ZFAT: variants seen among roughly 807,000 people sequenced by gnomAD.
ZFAT encodes zinc finger protein ZFAT.
A neutral mutation model predicts 117.7 loss-of-function variants in ZFAT; 64 were observed. That is an observed-to-expected ratio of 0.54 (90% CI 0.44 to 0.67). The LOEUF (loss-of-function observed/expected upper bound fraction) is 0.67, where lower values mean the gene tolerates loss of function less well. Among genes scored for constraint, ZFAT ranks in the 30% least tolerant of loss-of-function variants. ZFAT has a pLI of 0.00. For synonymous variants in ZFAT, 679 were observed against 615.0 expected, an observed-to-expected ratio of 1.10 and a Z score of -1.54; for missense variants, 1,433 against 1,584.5, an observed-to-expected ratio of 0.90 and a Z score of 1.62.
the ZFAT span, among the ~76,000 whole-genome samples, chr8:134,789,754 A>G: frequency 6.6e-6 from 1 of 152,194 alleles, no homozygotes; most frequent in Non-Finnish European, 1.5e-5. Context: ...AGTTTAAGCC[A>G]ATGTTACATT....
At chr8:134,819,908 T>C in the ZFAT span, among the ~76,000 whole-genome samples, 46,067 of 151,908 alleles carry the variant, frequency 0.3, 7,614 homozygotes, top group African/African-American at 0.43. Flanking sequence ...CCAGCCAAGG[T>C]TTTGTTTCTT....
In ZFAT at chr8:134,642,389, C is replaced by T. The variant is rs1259237340; in HGVS notation, c.197-4677G>A. Among the ~76,000 whole-genome samples the T allele has an allele frequency of 2.6e-5, 4 of 152,318 alleles. No individual in the cohort carries two copies. In the East Asian group the frequency reaches 5.8e-4, roughly 22 times the overall value. ...ATGCGAAAAATAAACACAAAACTGC[C>T]TCTATTTTATAGAGTCACTACTGAT... On this transcript the variant is annotated intron_variant, in intron 2 of 15. Transcript: ENST00000377838.
At chr8:134,709,816 G>GCTTCT (rs1367709970) in intron 1 of ZFAT, among the ~76,000 whole-genome samples, 1 of 152,166 alleles carries the variant, frequency 6.6e-6, no homozygotes. Context: ...TTCACCGGAG[G>GCTTCT]CAAATGAGAA....
intron 11 of ZFAT, among the ~76,000 whole-genome samples, chr8:134,542,777 G>T (rs991433987): frequency 2.0e-5 from 3 of 152,092 alleles, no homozygotes; most frequent in African/African-American, 7.2e-5. Flanking sequence ...AGGGGGGCAG[G>T]GGAAGGAGAG....
At chr8:134,689,581 G>C (rs534244234) in intron 1 of ZFAT, among the ~76,000 whole-genome samples, 1 of 152,218 alleles carries the variant, frequency 6.6e-6, no homozygotes, top group African/African-American at 2.4e-5. Context: ...CTACGATAGA[G>C]AGCAGAGGGA....
chr8:134,551,780 G>C (rs1415889909), intron 11 of ZFAT, among the ~76,000 whole-genome samples: 1 of 152,130 alleles, frequency 6.6e-6, no homozygotes, highest in Non-Finnish European at 1.5e-5. Context: ...GAGTACCCAA[G>C]CCCCTTATAC....
intron 2 of ZFAT, among the ~76,000 whole-genome samples, chr8:134,645,011 T>TCA (rs1273985742): frequency 2.0e-5 from 3 of 152,028 alleles, no homozygotes; most frequent in Non-Finnish European, 4.4e-5. Flanking sequence ...GCACATGGGA[T>TCA]CACACACACG....
At chr8:134,804,507 A>G in the ZFAT span, among the ~76,000 whole-genome samples, 3 of 152,234 alleles carry the variant, frequency 2.0e-5, no homozygotes, top group Admixed American at 6.5e-5. Flanking sequence ...ATTATTCTCC[A>G]GAACTTCCAC....
chr8:134,500,872 G>A (rs1041817955), intron 15 of ZFAT, among the ~76,000 whole-genome samples: 1 of 152,114 alleles, frequency 6.6e-6, no homozygotes, highest in Admixed American at 6.6e-5. Flanking sequence ...ATTATATAAG[G>A]AATGCCAAGT....
At chr8:134,510,033 T>A in intron 14 of ZFAT, 1 of 479,622 alleles carries the variant, frequency 2.1e-6, no homozygotes. Flanking sequence ...CTGAGTCAGT[T>A]ACACCACAAA....
At chr8:134,616,241 T>C (rs191906587) in intron 3 of ZFAT, among the ~76,000 whole-genome samples, 4 of 152,194 alleles carry the variant, frequency 2.6e-5, no homozygotes, top group East Asian at 1.9e-4. Flanking sequence ...TGGTGTGTCG[T>C]AGATGCTCAA....
At chr8:134,539,827 C>A (rs540006053) in intron 11 of ZFAT, among the ~76,000 whole-genome samples, 3 of 152,208 alleles carry the variant, frequency 2.0e-5, no homozygotes, top group Admixed American at 6.5e-5. Context: ...GGTAGAAGAG[C>A]GGAGTGTGGG....
In ZFAT at chr8:134,623,124, C is replaced by T. The variant is rs568760782; in HGVS notation, c.449-12469G>A. Reference sequence around the variant, plus strand: ...TTCCCATTTTCATTCCCTCCCACTACAAGCATCTCCCACTGACCTCCTTCC... The same window carrying T: ...TTCCCATTTTCATTCCCTCCCACTATAAGCATCTCCCACTGACCTCCTTCC... On this transcript the variant is annotated intron_variant, in intron 3 of 15. Coordinates refer to ENST00000377838, the MANE Select transcript of ZFAT (RefSeq NM_020863.4). 2.0e-5 allele frequency among the ~76,000 whole-genome samples: 3 copies of T among 152,294 alleles called. No individual in the cohort carries two copies. The East Asian group carries it at 5.8e-4, about 29-fold the overall frequency.
At chr8:134,666,413 C>T (rs1832221162) in intron 1 of ZFAT, among the ~76,000 whole-genome samples, 1 of 152,172 alleles carries the variant, frequency 6.6e-6, no homozygotes, top group Non-Finnish European at 1.5e-5. Flanking sequence ...AAAATCATTC[C>T]TCGTGATTTT....
At chr8:134,489,582 C>A (rs981984341) in intron 15 of ZFAT, among the ~76,000 whole-genome samples, 2 of 152,120 alleles carry the variant, frequency 1.3e-5, no homozygotes, top group Non-Finnish European at 2.9e-5. Flanking sequence ...CCATCTCTGC[C>A]GCATCTGTCT....
rs796252587 is a variant in ZFAT, at chr8:134,710,512, G to A, written c.19+2333C>T. Among the ~76,000 whole-genome samples, 32 of 152,146 alleles carry A rather than the reference G, an allele frequency of 2.1e-4. 1 individual carries two copies. The highest frequency in any genetic ancestry group is 1.2e-3 in the Admixed American group (18 of 15,278). Reference sequence around the variant, plus strand: ...GGACGTACCTATGATCCAGCATAGCGCATGTATCTAAATTGCAATCCCCTA... The same window carrying A: ...GGACGTACCTATGATCCAGCATAGCACATGTATCTAAATTGCAATCCCCTA... On this transcript the variant is annotated intron_variant, in intron 1 of 15. Transcript: ENST00000377838.
chr8:134,598,829 A>G (rs1473437245), intron 7 of ZFAT: 1 of 152,234 alleles, frequency 6.6e-6, no homozygotes, highest in African/African-American at 2.4e-5. Flanking sequence ...AGACATTTAC[A>G]TCTATTCTCT....
intron 3 of ZFAT, among the ~76,000 whole-genome samples, chr8:134,635,156 T>A (rs187062616): frequency 6.4e-4 from 97 of 152,226 alleles, no homozygotes; most frequent in African/African-American, 2.1e-3. Flanking sequence ...GGCCCAGGGA[T>A]TGGGGACCCC....
At chr8:134,575,208 A>G (rs1158644718) in intron 10 of ZFAT, among the ~76,000 whole-genome samples, 2 of 152,226 alleles carry the variant, frequency 1.3e-5, no homozygotes, top group South Asian at 2.1e-4. Context: ...CAGAACCTAT[A>G]CATGCTATCA....
Sources: gnomAD v4.1 joint callset for allele counts (sites outside exome capture counted in the v4.1 genomes callset) on GRCh38, gnomAD v4.1.1 for gene constraint, MANE v1.5 for transcripts, NCBI Gene and HGNC (gene_info 2026-07-23, HGNC 2026-07-21) for gene names.